KCNJ6: variants seen among roughly 807,000 people sequenced by gnomAD.
The protein encoded by KCNJ6 is potassium inwardly rectifying channel subfamily J member 6.
KCNJ6 carries 9 observed loss-of-function variants against 34.2 expected under a neutral mutation model. The ratio of observed to expected loss-of-function variants is 0.26; its 90% confidence interval spans 0.16 to 0.46. The LOEUF (loss-of-function observed/expected upper bound fraction) is 0.46. KCNJ6 is among the 20% of genes least tolerant of loss of function. The pLI, the probability that KCNJ6 is intolerant of heterozygous loss-of-function variation, is 1.00. For synonymous variants in KCNJ6, 196 were observed against 207.1 expected (o/e 0.95, Z 0.46); for missense variants, 236 against 531.3 (o/e 0.44, Z 5.46).
At chr21:37,666,481 T>C (rs1218845793) in intron 3 of KCNJ6, among the ~76,000 whole-genome samples, 2 of 152,182 alleles carry the variant, frequency 1.3e-5, no homozygotes, top group East Asian at 1.9e-4. Context: ...TTTCCCAATC[T>C]GTAAAATGGG....
chr21:37,728,784 G>A (rs2054869055), intron 2 of KCNJ6, among the ~76,000 whole-genome samples: 1 of 152,176 alleles, frequency 6.6e-6, no homozygotes, highest in East Asian at 1.9e-4. Flanking sequence ...CTAGACACAT[G>A]TGAGAGATAA....
chr21:37,647,971 C>A (rs1419241247), intron 3 of KCNJ6, among the ~76,000 whole-genome samples: 2 of 152,176 alleles, frequency 1.3e-5, no homozygotes, highest in Non-Finnish European at 2.9e-5. Context: ...CAAGTTGGGA[C>A]AAGCAGTCTG....
At chr21:37,629,127 C>T (rs750421933) in intron 3 of KCNJ6, among the ~76,000 whole-genome samples, 16 of 152,050 alleles carry the variant, frequency 1.1e-4, no homozygotes, top group Admixed American at 2.6e-4. Context: ...TAGACTAGAC[C>T]GTAACTCAAA....
rs2054237931 is a variant in KCNJ6 at position 37,610,200 on chromosome 21, G to A, written c.*14959C>T. 6.6e-6 allele frequency: 1 copy of A among 152,062 alleles called. No homozygotes were observed. The highest frequency in any genetic ancestry group is 2.4e-5 in the African/African-American group (1 of 41,376). 9.4% of individuals were successfully genotyped at this position (152,062 alleles called of 1,614,324 possible). A position where few individuals can be genotyped will look rare whatever the true frequency, so the allele number is the denominator to read the frequency against. ...AACTGATGGTGGTGTAGGTTGGAATGGATACTAGAATTATTAAAGCAGAGA... is the reference window on the plus strand; with the variant it reads ...AACTGATGGTGGTGTAGGTTGGAATAGATACTAGAATTATTAAAGCAGAGA... On this transcript the variant is annotated 3_prime_UTR_variant, in exon 4 of 4. Coordinates refer to ENST00000609713, the MANE Select transcript of KCNJ6 (RefSeq NM_002240.5).
intron 3 of KCNJ6, among the ~76,000 whole-genome samples, chr21:37,650,710 T>C (rs1945680811): frequency 6.6e-6 from 1 of 152,236 alleles, no homozygotes; most frequent in South Asian, 2.1e-4. Flanking sequence ...TGACAATTTT[T>C]GAGGTTTCAT....
In KCNJ6 at chr21:37,794,960, C is replaced by T. The variant is rs180681303; in HGVS notation, c.25+45698G>A. 2.3e-3 allele frequency among the ~76,000 whole-genome samples: 345 copies of T among 151,920 alleles called. 3 individuals are homozygous for T. Among genetic ancestry groups the T allele is most frequent in the African/African-American group, 7.7e-3 (321 of 41,424 alleles). Reference sequence around the variant, plus strand: ...GGCATGTACGAGAAGAATGCAATTCCGCCCATGAATGAGTTAGAGGTCTGG... The same window carrying T: ...GGCATGTACGAGAAGAATGCAATTCTGCCCATGAATGAGTTAGAGGTCTGG... On this transcript the variant is annotated intron_variant, in intron 2 of 3. Coordinates refer to ENST00000609713, the MANE Select transcript of KCNJ6 (RefSeq NM_002240.5).
rs376267192 is a variant in KCNJ6 at position 37,764,383 on chromosome 21, C to CT, written c.26-49253dup. Among the ~76,000 whole-genome samples the CT allele has an allele frequency of 7.4e-3, 1,073 of 144,998 alleles. 8 individuals carry two copies. Among genetic ancestry groups the CT allele is most frequent in the African/African-American group, 0.013 (493 of 39,052 alleles). The stretch of plus-strand genomic sequence containing the variant: ...TGGAAGAAAAATTTGAAGATATTTA[C>CT]TTTTTTTTTTTTTTTAAGACAGTTT... On this transcript the variant is annotated intron_variant, in intron 2 of 3. Transcript: ENST00000609713.
intron 2 of KCNJ6, among the ~76,000 whole-genome samples, chr21:37,753,186 T>C (rs1450281235): frequency 6.6e-6 from 1 of 152,200 alleles, no homozygotes; most frequent in African/African-American, 2.4e-5. Flanking sequence ...CTCTGGTCTC[T>C]GCAAATCTGC....
At position 37,623,358 on chromosome 21, in the gene KCNJ6, C is replaced by T. The variant is rs2054296513; in HGVS notation, c.*1801G>A. On this transcript the variant is annotated 3_prime_UTR_variant, in exon 4 of 4. Coordinates refer to ENST00000609713, the MANE Select transcript of KCNJ6 (RefSeq NM_002240.5). ...AACAAAGAGGGACAGCTAGTTTGATCTCTTTGACCTCCATGGTGCAGAGCC... is the reference window on the plus strand; with the variant it reads ...AACAAAGAGGGACAGCTAGTTTGATTTCTTTGACCTCCATGGTGCAGAGCC... 1 of 152,228 alleles carries T rather than the reference C, an allele frequency of 6.6e-6. No individual in the cohort carries two copies. Among genetic ancestry groups the T allele is most frequent in the Admixed American group, 6.5e-5 (1 of 15,280 alleles). The allele number at this position is 152,228 out of a possible 1,614,324, so 9.4% of individuals were successfully genotyped here.
In KCNJ6 at chr21:37,617,010, C is replaced by CTTTCTTTCTTTCTTTCTTTCTT. The variant is rs201757181; in HGVS notation, c.*8148_*8149insAAGAAAGAAAGAAAGAAAGAAA. ...CTCTTTCTTTCTTTCTCTTTCTTTTCTCTTTCTTTCTTTCTTTCTTTCTTT... is the reference window on the plus strand; with the variant it reads ...CTCTTTCTTTCTTTCTCTTTCTTTTCTTTCTTTCTTTCTTTCTTTCTTTCTTTCTTTCTTTCTTTCTTTCTTT... On this transcript the variant is annotated 3_prime_UTR_variant, in exon 4 of 4. Coordinates refer to ENST00000609713, the MANE Select transcript of KCNJ6 (RefSeq NM_002240.5). 3 of 68,058 alleles carry CTTTCTTTCTTTCTTTCTTTCTT rather than the reference C, an allele frequency of 4.4e-5. No individual in the cohort carries two copies. The highest frequency in any genetic ancestry group is 1.5e-4 in the African/African-American group (3 of 19,846). The allele number at this position is 68,058 out of a possible 1,614,324, so 4.2% of individuals were successfully genotyped here.
chr21:37,717,668 C>T (rs2054800569), intron 2 of KCNJ6, among the ~76,000 whole-genome samples: 1 of 152,204 alleles, frequency 6.6e-6, no homozygotes, highest in African/African-American at 2.4e-5. Context: ...GCTGGGGAGA[C>T]CTTGTCTGCA....
At chr21:37,670,377 T>C (rs931120349) in intron 3 of KCNJ6, among the ~76,000 whole-genome samples, 6 of 152,166 alleles carry the variant, frequency 3.9e-5, no homozygotes, top group African/African-American at 1.4e-4. Context: ...AACTTGAGGA[T>C]TGGGCTTTTT....
At chr21:37,817,704 C>G (rs2835985) in intron 2 of KCNJ6, among the ~76,000 whole-genome samples, 84,115 of 151,772 alleles carry the variant, frequency 0.55, 23,888 homozygotes, top group East Asian at 0.78. Context: ...AACCGCGTGG[C>G]ATTGCTGTTG....
chr21:37,878,131 C>A (rs997991408), intron 1 of KCNJ6, among the ~76,000 whole-genome samples: 1 of 152,160 alleles, frequency 6.6e-6, no homozygotes, highest in African/African-American at 2.4e-5. Flanking sequence ...GAGCTTTGAA[C>A]AACCAAGGTT....
At chr21:37,903,971 ATTG>A (rs1183290574) in intron 1 of KCNJ6, among the ~76,000 whole-genome samples, 1 of 152,226 alleles carries the variant, frequency 6.6e-6, no homozygotes, top group African/African-American at 2.4e-5. Context: ...ACATCCAGAT[ATTG>A]TTGAGTAACT....
At chr21:37,904,593 T>C (rs2055832354) in intron 1 of KCNJ6, among the ~76,000 whole-genome samples, 1 of 152,160 alleles carries the variant, frequency 6.6e-6, no homozygotes, top group South Asian at 2.1e-4. Context: ...AACCCCATTT[T>C]ATTTTTTTAC....
At chr21:37,694,680 T>C (rs1285511758) in intron 3 of KCNJ6, among the ~76,000 whole-genome samples, 1 of 152,172 alleles carries the variant, frequency 6.6e-6, no homozygotes, top group African/African-American at 2.4e-5. Flanking sequence ...TAGAAGTACT[T>C]TGCGTAATGT....
chr21:37,688,643 T>C (rs1193306515), intron 3 of KCNJ6, among the ~76,000 whole-genome samples: 1 of 152,180 alleles, frequency 6.6e-6, no homozygotes, highest in Non-Finnish European at 1.5e-5. Flanking sequence ...CAACCCACTG[T>C]TGGCCAGGCT....
intron 2 of KCNJ6, among the ~76,000 whole-genome samples, chr21:37,718,356 A>G (rs1372058358): frequency 6.6e-6 from 1 of 152,212 alleles, no homozygotes; most frequent in Non-Finnish European, 1.5e-5. Context: ...CTTATCTCTA[A>G]TGTTGTGGGA....
Sources: allele counts gnomAD v4.1 joint callset (sites outside exome capture counted in the v4.1 genomes callset), GRCh38; gene constraint gnomAD v4.1.1; transcripts MANE v1.5; gene names NCBI Gene and HGNC (gene_info 2026-07-23, HGNC 2026-07-21).